ECT2: variants seen among roughly 807,000 people sequenced by gnomAD.
ECT2 encodes protein ECT2.
A neutral mutation model predicts 116.9 loss-of-function variants in ECT2; 61 were observed. The observed-to-expected ratio is 0.52, with a 90% CI of 0.42 to 0.65. The LOEUF is 0.65. Among genes scored for constraint, ECT2 ranks in the 30% least tolerant of loss-of-function variants. The pLI is 0.00. For synonymous variants in ECT2, 358 were observed against 346.4 expected (o/e 1.03, Z -0.37); for missense variants, 937 against 1,078.7 (o/e 0.87, Z 1.84).
intron 1 of ECT2, 61 bp from the exon 2 acceptor site, chr3:172,754,448 A>G (rs1716552549): frequency 8.0e-7 from 1 of 1,251,176 alleles, no homozygotes; most frequent in African/African-American, 1.6e-5. Flanking sequence ...AAGAGCCTCT[A>G]ATACTTACTT....
intron 18 of ECT2, among the ~76,000 whole-genome samples, chr3:172,786,906 A>G (rs564266987): frequency 5.9e-5 from 9 of 152,308 alleles, no homozygotes; most frequent in African/African-American, 2.2e-4. Flanking sequence ...GCCCAAATGT[A>G]ACTTGAGAAT....
intron 2 of ECT2, 106 bp from the exon 3 acceptor site, chr3:172,755,189 C>A: frequency 1.4e-6 from 1 of 698,502 alleles, no homozygotes; most frequent in African/African-American, 1.9e-5. Flanking sequence ...AGTTATGATT[C>A]CCTCAAAGAT....
At chr3:172,821,707 G>A (rs1730696173), downstream of ECT2, among the ~76,000 whole-genome samples, 1 of 151,808 alleles carries the variant, frequency 6.6e-6, no homozygotes. Context: ...GCAAAATTTT[G>A]TGTTTATGTG....
At position 172,802,986 on chromosome 3, in the gene ECT2, G is replaced by T; in HGVS notation, c.2106+6G>T. On this transcript the variant is annotated splice_donor_region_variant and intron_variant, in intron 20 of 24. Transcript: ENST00000392692. ...TCTTCAATGATTGCCTAGAGGTAAAGATGTACTTCACATAGTATAATAACA... is the reference window on the plus strand; with the variant it reads ...TCTTCAATGATTGCCTAGAGGTAAATATGTACTTCACATAGTATAATAACA... 6.2e-7 allele frequency: 1 copy of T among 1,607,854 alleles called. No individual in the cohort carries two copies.
At chr3:172,765,037 T>G (rs1719067468) in intron 12 of ECT2, among the ~76,000 whole-genome samples, 1 of 152,208 alleles carries the variant, frequency 6.6e-6, no homozygotes, top group South Asian at 2.1e-4. Context: ...CAAAATCTCC[T>G]CCGGACCTCA....
rs2108378731 is a variant in ECT2, at chr3:172,755,584, A to G, written c.303+9A>G. ...AAAGTGTTATTAATATGGTAGGTCA[A>G]AGTAACTCATTGCATGTGGCATGCT... is the stretch of plus-strand genomic sequence containing the variant. On this transcript the variant is annotated intron_variant, in intron 4 of 24. Coordinates refer to ENST00000392692, the MANE Select transcript of ECT2 (RefSeq NM_001258315.2). 1 of 1,355,908 alleles carries G rather than the reference A, an allele frequency of 7.4e-7. No homozygotes were observed. Among genetic ancestry groups the G allele is most frequent in the Non-Finnish European group, 1.0e-6 (1 of 1,002,598 alleles). 84.0% of individuals were successfully genotyped at this position (1,355,908 alleles called of 1,614,324 possible). A position where few individuals can be genotyped will look rare whatever the true frequency, so the allele number is the denominator to read the frequency against.
chr3:172,812,230 T>C (rs923196967), intron 22 of ECT2, among the ~76,000 whole-genome samples: 3 of 152,192 alleles, frequency 2.0e-5, no homozygotes, highest in African/African-American at 7.2e-5. Context: ...TCAAGTGATC[T>C]GCCCCCCTGG....
At chr3:172,783,105 G>A (rs954202132) in intron 15 of ECT2, among the ~76,000 whole-genome samples, 1 of 152,044 alleles carries the variant, frequency 6.6e-6, no homozygotes, top group African/African-American at 2.4e-5. Flanking sequence ...CTCTTACTAG[G>A]ATAAGAACCA....
intron 18 of ECT2, among the ~76,000 whole-genome samples, chr3:172,795,323 C>CA (rs35674521): frequency 0.03 from 3,167 of 104,168 alleles, 62 homozygotes; most frequent in South Asian, 0.072. Flanking sequence ...GAGACGCTAT[C>CA]AAAAAAAAAA....
chr3:172,779,686 G>A (rs1209447583), intron 14 of ECT2, among the ~76,000 whole-genome samples: 7 of 152,168 alleles, frequency 4.6e-5, no homozygotes, highest in Non-Finnish European at 7.4e-5. Context: ...CAGGAATATC[G>A]CTTGAATCTA....
At chr3:172,765,543 C>T (rs1719205255) in intron 12 of ECT2, among the ~76,000 whole-genome samples, 1 of 152,112 alleles carries the variant, frequency 6.6e-6, no homozygotes, top group South Asian at 2.1e-4. Flanking sequence ...CTCTTAATTC[C>T]TCTGTTCCTT....
At chr3:172,818,675 G>C (rs367644414) in intron 24 of ECT2, 1 of 1,289,130 alleles carries the variant, frequency 7.8e-7, no homozygotes, top group South Asian at 1.2e-5. Context: ...TCTGCTTTCC[G>C]AGCTAGTTTT....
intron 11 of ECT2, among the ~76,000 whole-genome samples, chr3:172,763,781 T>G (rs1718793354): frequency 6.6e-6 from 1 of 152,198 alleles, no homozygotes; most frequent in South Asian, 2.1e-4. Flanking sequence ...ATATTGAAGA[T>G]GAGTTGTTTC....
chr3:172,808,798 C>T (rs1277346809), intron 22 of ECT2, among the ~76,000 whole-genome samples: 1 of 152,048 alleles, frequency 6.6e-6, no homozygotes, highest in East Asian at 1.9e-4. Context: ...AAGTGTGAAA[C>T]CTTGGAAGAC....
chr3:172,827,228 A>C, the ECT2 span, among the ~76,000 whole-genome samples: 1 of 152,182 alleles, frequency 6.6e-6, no homozygotes, highest in African/African-American at 2.4e-5. Flanking sequence ...AAGTTTCCTC[A>C]AAAAAGCTAA....
chr3:172,762,710 T>A lies in ECT2; in HGVS notation c.909T>A (p.Leu303=). The change falls in exon 10 of 25, where the codon CTT becomes CTA. Residue 303 remains leucine (L), a synonymous_variant. Transcript: ENST00000392692. The stretch of plus-strand genomic sequence containing the variant: ...TTTTAGGAGGTAAATATTTACCGCT[T>A]GGAGATGAAAGATGCACTCACCTTG... The part of the protein sequence containing the change: ...TEMQGGKYLP[L]GDERCTHLVV... 1 of 1,611,446 alleles carries A rather than the reference T, an allele frequency of 6.2e-7. No homozygotes were observed. The highest frequency in any genetic ancestry group is 8.5e-7 in the Non-Finnish European group (1 of 1,179,144).
At chr3:172,796,701 C>T (rs556777972) in intron 18 of ECT2, 4 of 152,194 alleles carry the variant, frequency 2.6e-5, no homozygotes, top group South Asian at 2.1e-4. Flanking sequence ...TAGTCTCACC[C>T]GGTCGCCCAG....
At chr3:172,809,739 A>G (rs1050850812) in intron 22 of ECT2, among the ~76,000 whole-genome samples, 5 of 151,396 alleles carry the variant, frequency 3.3e-5, no homozygotes, top group African/African-American at 1.2e-4. Flanking sequence ...AAAGAGTAAA[A>G]TAAGCACAAC....
chr3:172,811,675 T>C (rs1305736245), intron 22 of ECT2, among the ~76,000 whole-genome samples: 4 of 152,166 alleles, frequency 2.6e-5, no homozygotes, highest in African/African-American at 9.7e-5. Flanking sequence ...GGGCCTTCAT[T>C]AAAAGAGCAT....
Sources: gnomAD v4.1 joint callset for allele counts (sites outside exome capture counted in the v4.1 genomes callset) on GRCh38, gnomAD v4.1.1 for gene constraint, MANE v1.5 for transcripts, NCBI Gene and HGNC (gene_info 2026-07-23, HGNC 2026-07-21) for gene names.